Variants in TCOF1 observed in about 807,000 individuals in gnomAD.
TCOF1 encodes treacle protein.
A neutral mutation model predicts 149.0 loss-of-function variants in TCOF1; 33 were observed. The ratio of observed to expected loss-of-function variants is 0.22; its 90% CI spans 0.17 to 0.30. The LOEUF is 0.30. Ranked by LOEUF, TCOF1 falls within the 10% of genes least tolerant of loss-of-function variation. The probability of loss-of-function intolerance (pLI) is 1.00; values close to 1 mark genes in which losing one functional copy is unlikely to be tolerated. For missense variants in TCOF1, 1,728 were observed against 1,840.7 expected, an observed-to-expected ratio of 0.94 and a Z score of 1.12; for synonymous variants, 789 against 738.8, an observed-to-expected ratio of 1.07 and a Z score of -1.10.
intron 4 of TCOF1, 167 bp from the exon 5 acceptor site, chr5:150,368,549 A>T: frequency 1.4e-6 from 1 of 704,982 alleles, no homozygotes; most frequent in Non-Finnish European, 2.5e-6. Flanking sequence ...TGGTGAGAGG[A>T]GGTGCTGTTT....
chr5:150,377,603 TTTGTCCTCCTCTCGTTGAC>T (rs1045701732), intron 14 of TCOF1, among the ~76,000 whole-genome samples: 1 of 152,216 alleles, frequency 6.6e-6, no homozygotes, highest in African/African-American at 2.4e-5. Context: ...CTGATTTTTT[TTTGTCCTCCTCTCGTTGAC>T]TTGTGGGACC....
At chr5:150,366,959 ATTC>A (rs1761488188) in intron 3 of TCOF1, among the ~76,000 whole-genome samples, 1 of 150,718 alleles carries the variant, frequency 6.6e-6, no homozygotes, top group Non-Finnish European at 1.5e-5. Context: ...CCGGCCCAAC[ATTC>A]TTCTTAACAA....
In TCOF1 at chr5:150,378,953, G is replaced by C. The variant is rs757336927; in HGVS notation, c.2389G>C (p.Ala797Pro). 6.2e-7 allele frequency: 1 copy of C among 1,614,064 alleles called. No homozygotes were observed. The highest frequency in any genetic ancestry group is 2.2e-5 in the East Asian group (1 of 44,872). ...KTQAKANPAA[A>P]RAPSAKGTIS... ...CCAGGCCAAAGCCAACCCAGCTGCC[G>C]CCAGAGCACCTTCAGCAAAAGGGAC... Residue 797 changes from alanine (A) to proline (P), a missense_variant, in exon 15 of 27, where the codon GCC becomes CCC. Physicochemically the swap from Ala to Pro is conservative, Grantham distance 27. This residue lies in a region of TCOF1 where 1,696 missense variants were observed against 1,765.4 expected (regional missense o/e 0.96). Transcript: ENST00000643257.
At chr5:150,368,223 A>C in intron 4 of TCOF1, 1 of 420,094 alleles carries the variant, frequency 2.4e-6, no homozygotes, top group Admixed American at 3.7e-5. Flanking sequence ...CTTGACTAAT[A>C]CCTGTTATGT....
At chr5:150,392,510 A>G (rs1000122758) in intron 21 of TCOF1, 195 bp from the exon 22 acceptor site, 1 of 626,716 alleles carries the variant, frequency 1.6e-6, no homozygotes, top group Non-Finnish European at 2.8e-6. Context: ...TGGCATTCAA[A>G]TGTCGCACCT....
intron 19 of TCOF1, among the ~76,000 whole-genome samples, chr5:150,390,756 G>A (rs1325229117): frequency 1.3e-5 from 2 of 152,270 alleles, no homozygotes; most frequent in Middle Eastern, 3.4e-3. Context: ...CATGGGTGTC[G>A]GATGGGAAGT....
intron 17 of TCOF1, among the ~76,000 whole-genome samples, chr5:150,387,616 C>T (rs755756743): frequency 6.6e-5 from 10 of 152,222 alleles, no homozygotes; most frequent in Non-Finnish European, 1.2e-4. Flanking sequence ...CCCTTTCCCT[C>T]TGGGCTTGTG....
At chr5:150,381,281 C>G (rs991695460) in intron 17 of TCOF1, among the ~76,000 whole-genome samples, 2 of 152,208 alleles carry the variant, frequency 1.3e-5, no homozygotes, top group African/African-American at 4.8e-5. Context: ...CTCCCTAGCC[C>G]TAACCTCTGC....
chr5:150,394,399 CA>C (rs1218186887), intron 23 of TCOF1: 1 of 152,374 alleles, frequency 6.6e-6, no homozygotes, highest in Non-Finnish European at 1.5e-5. Context: ...CTTAACCATA[CA>C]AAACAGCAGT....
At position 150,364,100 on chromosome 5, in the gene TCOF1, C is replaced by T; in HGVS notation, c.165-13C>T. 6.2e-7 allele frequency: 1 copy of T among 1,613,976 alleles called. No individual in the cohort carries two copies. The highest frequency in any genetic ancestry group is 1.1e-5 in the South Asian group (1 of 91,064). On this transcript the variant is annotated splice_polypyrimidine_tract_variant and intron_variant, in intron 2 of 26. Coordinates refer to ENST00000643257, the MANE Select transcript of TCOF1 (RefSeq NM_001371623.1). The stretch of plus-strand genomic sequence containing the variant: ...TCACCCAGTTGGTATAGACAGTCAC[C>T]CTTGTCCTGCAGAACCTCAGAGCTT...
intron 23 of TCOF1, 33 bp downstream of exon 23, chr5:150,393,585 GAC>G (rs772100899): frequency 6.2e-7 from 1 of 1,613,870 alleles, no homozygotes; most frequent in Admixed American, 1.7e-5. Flanking sequence ...GACATAGCAG[GAC>G]ACAGAGGGAC....
chr5:150,378,630 G>T, intron 14 of TCOF1: 1 of 490,716 alleles, frequency 2.0e-6, no homozygotes. Context: ...CGCACAATGA[G>T]TTTGAGTGTT....
chr5:150,373,689 C>A (rs773429608), intron 7 of TCOF1, among the ~76,000 whole-genome samples: 1 of 152,228 alleles, frequency 6.6e-6, no homozygotes, highest in Non-Finnish European at 1.5e-5. Flanking sequence ...CAGTGAGGGC[C>A]TCCCTCAGTC....
At position 150,374,699 on chromosome 5, in the gene TCOF1, C is replaced by T. The variant is rs773945106; in HGVS notation, c.1166C>T (p.Ala389Val). Residue 389 changes from alanine (A) to valine (V), a missense_variant, in exon 9 of 27, where the codon GCG becomes GTG. By Grantham distance (64) the Ala-to-Val change is moderately conservative (BLOSUM62 0). Coordinates refer to ENST00000643257, the MANE Select transcript of TCOF1 (RefSeq NM_001371623.1). ...KESPRKGAAP[A>V]PPGKTGPAVA... Reference sequence around the variant, plus strand: ...TCCCCCAGGAAAGGAGCTGCCCCAGCGCCCCCTGGGAAGACAGGGCCTGCA... The same window carrying T: ...TCCCCCAGGAAAGGAGCTGCCCCAGTGCCCCCTGGGAAGACAGGGCCTGCA... 56 of 1,613,596 alleles carry T rather than the reference C, an allele frequency of 3.5e-5. No individual in the cohort carries two copies. The highest frequency in any genetic ancestry group is 4.6e-5 in the Non-Finnish European group (54 of 1,179,942).
At chr5:150,393,728 G>A (rs1307764112) in intron 23 of TCOF1, 176 bp downstream of exon 23, 4 of 829,244 alleles carry the variant, frequency 4.8e-6, no homozygotes, top group Non-Finnish European at 7.5e-6. Flanking sequence ...CAAAGTGCAG[G>A]TGGGGCCAGG....
chr5:150,375,611 C>G, intron 11 of TCOF1, 57 bp downstream of exon 11: 1 of 1,612,252 alleles, frequency 6.2e-7, no homozygotes, highest in Non-Finnish European at 8.5e-7. Context: ...AGTGGAGCTG[C>G]CTGTGGCCTC....
chr5:150,375,305 C>G (rs759396119), intron 10 of TCOF1, 34 bp from the exon 11 acceptor site: 85 of 1,606,626 alleles, frequency 5.3e-5, no homozygotes, highest in Non-Finnish European at 6.5e-5. Flanking sequence ...TCCTTCTGGA[C>G]TCCCTCCCTA....
chr5:150,391,160 G>A (rs1471306675), intron 19 of TCOF1, among the ~76,000 whole-genome samples: 3 of 152,198 alleles, frequency 2.0e-5, no homozygotes, highest in Non-Finnish European at 4.4e-5. Context: ...AGATGAGCCA[G>A]GCCGTGGCAA....
rs1480592525 is a variant in TCOF1 at position 150,372,188 on chromosome 5, G to A, written c.822G>A (p.Glu274=). The A allele has an allele frequency of 1.2e-6, 2 of 1,602,294 alleles. No homozygotes were observed. Among genetic ancestry groups the A allele is most frequent in the Non-Finnish European group, 1.7e-6 (2 of 1,169,556 alleles). Reference sequence around the variant, plus strand: ...CAGAAGAGGAGTCAGAGAGTAGTGAGGAGGGATCTGAAAGTGAGGAGGAGG... The same window carrying A: ...CAGAAGAGGAGTCAGAGAGTAGTGAAGAGGGATCTGAAAGTGAGGAGGAGG... ...KKPEEESESS[E]EGSESEEEAP... Residue 274 remains glutamate (E), a synonymous_variant, in exon 7 of 27, where the codon GAG becomes GAA. Coordinates refer to ENST00000643257, the MANE Select transcript of TCOF1 (RefSeq NM_001371623.1).
Sources: gnomAD v4.1 joint callset for allele counts (sites outside exome capture counted in the v4.1 genomes callset) on GRCh38, gnomAD v4.1.1 for gene constraint, gnomAD v4.1.1 regional missense constraint, MANE v1.5 for transcripts, NCBI Gene and HGNC (gene_info 2026-07-23, HGNC 2026-07-21) for gene names.